Variants in RGS7 observed in about 807,000 individuals in gnomAD.
The protein encoded by RGS7 is regulator of G-protein signaling 7.
A neutral mutation model predicts 81.1 loss-of-function variants in RGS7; 27 were observed. The observed-to-expected ratio is 0.33, with a 90% CI of 0.25 to 0.46. The LOEUF is 0.46. Among genes scored for constraint, RGS7 ranks in the 20% least tolerant of loss-of-function variants. RGS7 has a pLI of 1.00. For synonymous variants in RGS7, 208 were observed against 207.7 expected (o/e 1.00, Z -0.01); for missense variants, 396 against 607.4 (o/e 0.65, Z 3.66).
chr1:240,835,974 T>C (rs1694664642), intron 9 of RGS7, among the ~76,000 whole-genome samples: 1 of 152,140 alleles, frequency 6.6e-6, no homozygotes. Flanking sequence ...AATTTTAGGG[T>C]AGTGAAACTG....
chr1:241,306,999 T>C (rs2080214850), intron 2 of RGS7, among the ~76,000 whole-genome samples: 1 of 152,228 alleles, frequency 6.6e-6, no homozygotes, highest in African/African-American at 2.4e-5. Flanking sequence ...GAAAGAAAAG[T>C]ACTTGCAGGC....
chr1:241,013,161 C>T (rs576175429), intron 3 of RGS7, among the ~76,000 whole-genome samples: 33 of 148,004 alleles, frequency 2.2e-4, no homozygotes, highest in African/African-American at 8.2e-4. Flanking sequence ...CTCCCGGGTT[C>T]AAGCGATTCT....
chr1:241,161,355 A>G (rs1209545448), intron 2 of RGS7, among the ~76,000 whole-genome samples: 1 of 152,026 alleles, frequency 6.6e-6, no homozygotes, highest in Non-Finnish European at 1.5e-5. Flanking sequence ...GGTGTTTTTA[A>G]GAGATAATTA....
At chr1:240,948,139 T>G (rs1479838246) in intron 4 of RGS7, among the ~76,000 whole-genome samples, 1 of 152,224 alleles carries the variant, frequency 6.6e-6, no homozygotes, top group Non-Finnish European at 1.5e-5. Flanking sequence ...CCATTTTTAT[T>G]TAGTACTCAT....
chr1:241,201,845 C>T (rs1466005598), intron 2 of RGS7, among the ~76,000 whole-genome samples: 8 of 152,040 alleles, frequency 5.3e-5, no homozygotes, highest in Non-Finnish European at 1.2e-4. Context: ...GATCAGAATC[C>T]AAGACTTTGG....
At chr1:240,846,407 T>C (rs866266025) in intron 9 of RGS7, among the ~76,000 whole-genome samples, 52 of 152,236 alleles carry the variant, frequency 3.4e-4, no homozygotes, top group Middle Eastern at 3.4e-3. Flanking sequence ...GTGAGGAGTA[T>C]ACAGGATTAT....
chr1:241,204,303 C>T (rs2073730273), intron 2 of RGS7, among the ~76,000 whole-genome samples: 1 of 152,186 alleles, frequency 6.6e-6, no homozygotes, highest in South Asian at 2.1e-4. Context: ...GAAGAAAAGA[C>T]CAAACTATTG....
In RGS7 at chr1:240,813,686, A is replaced by T. The variant is rs570364518; in HGVS notation, c.888T>A (p.Phe296Leu). Reference protein sequence around the residue: ...YTEQYLEYDPFLLPPDPSNPW... With the variant: ...YTEQYLEYDPLLLPPDPSNPW... The stretch of plus-strand genomic sequence containing the variant: ...GGTTAGAAGGGTCAGGTGGCAAAAG[A>T]AACGGGTCGTATTCTAAATACTGTT... Residue 296 changes from phenylalanine (F) to leucine (L), a missense_variant, in exon 13 of 19, where the codon TTT becomes TTA. Transcript: ENST00000440928. 2 of 1,613,900 alleles carry T rather than the reference A, an allele frequency of 1.2e-6. No homozygotes were observed. The highest frequency in any genetic ancestry group is 2.7e-5 in the African/African-American group (2 of 75,054).
At chr1:240,903,791 A>G (rs926387435) in intron 6 of RGS7, among the ~76,000 whole-genome samples, 1 of 152,148 alleles carries the variant, frequency 6.6e-6, no homozygotes. Flanking sequence ...TTTAGCAACC[A>G]TAAGAGCTGG....
intron 3 of RGS7, among the ~76,000 whole-genome samples, chr1:241,014,633 A>C (rs2059131377): frequency 6.6e-6 from 1 of 152,228 alleles, no homozygotes; most frequent in African/African-American, 2.4e-5. Context: ...TCATTCCCTA[A>C]ACATGGAAAC....
chr1:241,299,797 T>G (rs1290031896), intron 2 of RGS7, among the ~76,000 whole-genome samples: 1 of 125,628 alleles, frequency 8.0e-6, no homozygotes, highest in Non-Finnish European at 1.7e-5. Flanking sequence ...TTAGGTACTC[T>G]CGTCCCAGTT....
intron 2 of RGS7, among the ~76,000 whole-genome samples, chr1:241,197,972 C>T (rs2073208644): frequency 6.6e-6 from 1 of 151,782 alleles, no homozygotes; most frequent in South Asian, 2.1e-4. Context: ...TGTCTACCTA[C>T]CTACCTACCT....
chr1:241,094,417 T>G (rs1389186092), intron 3 of RGS7, among the ~76,000 whole-genome samples: 1 of 152,162 alleles, frequency 6.6e-6, no homozygotes, highest in Non-Finnish European at 1.5e-5. Flanking sequence ...ATACAACCTG[T>G]GCAGCTGCCT....
intron 18 of RGS7, among the ~76,000 whole-genome samples, chr1:240,792,739 C>T (rs577245960): frequency 6.6e-6 from 1 of 152,288 alleles, no homozygotes; most frequent in African/African-American, 2.4e-5. Context: ...CAGAATGAAC[C>T]AACTCAGGTG....
intron 2 of RGS7, among the ~76,000 whole-genome samples, chr1:241,155,391 C>T (rs2069048188): frequency 6.6e-6 from 1 of 152,086 alleles, no homozygotes; most frequent in African/African-American, 2.4e-5. Context: ...AGCCACCTCA[C>T]CTGGCCAGAT....
chr1:240,977,072 TC>T (rs1684221189), intron 4 of RGS7, among the ~76,000 whole-genome samples: 1 of 147,170 alleles, frequency 6.8e-6, no homozygotes, highest in Non-Finnish European at 1.5e-5. Context: ...CCATCATCTA[TC>T]ATCTATCTAT....
chr1:241,337,090 C>T (rs1436954604), intron 2 of RGS7, among the ~76,000 whole-genome samples: 3 of 152,174 alleles, frequency 2.0e-5, no homozygotes, highest in Non-Finnish European at 4.4e-5. Context: ...AATCCTTACA[C>T]TTTCTAGGCC....
chr1:241,264,350 T>A (rs1235209237), intron 2 of RGS7, among the ~76,000 whole-genome samples: 1 of 152,078 alleles, frequency 6.6e-6, no homozygotes, highest in Non-Finnish European at 1.5e-5. Context: ...ATACAAAAAT[T>A]AGCTGGCTGT....
chr1:241,103,316 G>A (rs903260509), intron 2 of RGS7, among the ~76,000 whole-genome samples: 2 of 152,168 alleles, frequency 1.3e-5, no homozygotes, highest in African/African-American at 4.8e-5. Flanking sequence ...TTCTGAGGGT[G>A]AGGAAACTGG....
Sources: gnomAD v4.1 joint callset for allele counts (sites outside exome capture counted in the v4.1 genomes callset) on GRCh38, gnomAD v4.1.1 for gene constraint, MANE v1.5 for transcripts, NCBI Gene and HGNC (gene_info 2026-07-23, HGNC 2026-07-21) for gene names.